Variants in OSTF1 observed in about 807,000 individuals in gnomAD.
OSTF1 encodes the protein osteoclast-stimulating factor 1.
Under a neutral mutation model 37.2 loss-of-function variants are expected in OSTF1, and 27 were observed. The observed-to-expected ratio is 0.73, with a 90% confidence interval of 0.54 to 1.00. The LOEUF (loss-of-function observed/expected upper bound fraction) is 1.00. OSTF1 is among the 50% of genes least tolerant of loss of function. OSTF1 has a pLI of 0.00. For missense variants in OSTF1, 232 were observed against 253.8 expected (o/e 0.91, Z 0.58); for synonymous variants, 82 against 89.2 (o/e 0.92, Z 0.46).
At chr9:75,117,391 A>G in intron 1 of OSTF1, 113 bp from the exon 2 acceptor site, 1 of 702,540 alleles carries the variant, frequency 1.4e-6, no homozygotes, top group Non-Finnish European at 2.5e-6. Flanking sequence ...CCTCTGTTCT[A>G]CTTGATCACA....
At chr9:75,094,578 C>G (rs1825039112) in intron 1 of OSTF1, among the ~76,000 whole-genome samples, 3 of 151,990 alleles carry the variant, frequency 2.0e-5, no homozygotes, top group African/African-American at 7.3e-5. Flanking sequence ...GTGAGATTTT[C>G]TAATACACAC....
chr9:75,095,826 C>T (rs1276508275), intron 1 of OSTF1, among the ~76,000 whole-genome samples: 1 of 151,986 alleles, frequency 6.6e-6, no homozygotes, highest in South Asian at 2.1e-4. Context: ...TAGTTTAGGG[C>T]AACGAGTTGA....
intron 1 of OSTF1, among the ~76,000 whole-genome samples, chr9:75,108,049 C>A (rs1221311073): frequency 6.6e-6 from 1 of 151,914 alleles, no homozygotes; most frequent in Non-Finnish European, 1.5e-5. Flanking sequence ...TCAGCCTGGG[C>A]AACATGACTC....
intron 9 of OSTF1, among the ~76,000 whole-genome samples, chr9:75,143,278 A>C (rs1350680321): frequency 6.6e-6 from 1 of 152,190 alleles, no homozygotes; most frequent in African/African-American, 2.4e-5. Context: ...TGCAGTTACT[A>C]TGGAAGATAA....
intron 3 of OSTF1, among the ~76,000 whole-genome samples, chr9:75,128,386 ATATATATATATATATATATATT>A (rs1825695964): frequency 3.5e-5 from 3 of 86,274 alleles, no homozygotes; most frequent in African/African-American, 1.7e-4. Flanking sequence ...ATATATATAT[ATATATATATATATATATATATT>A]TTGTCCATAT....
intron 1 of OSTF1, among the ~76,000 whole-genome samples, chr9:75,100,423 T>G (rs1363691530): frequency 6.9e-6 from 1 of 145,874 alleles, no homozygotes; most frequent in Non-Finnish European, 1.5e-5. Context: ...TGAAAAAGAG[T>G]TTTTTTTTTT....
intron 1 of OSTF1, among the ~76,000 whole-genome samples, chr9:75,097,665 A>C (rs892775257): frequency 6.6e-6 from 1 of 152,064 alleles, no homozygotes; most frequent in African/African-American, 2.4e-5. Context: ...GTTATAATCA[A>C]CTTTACATTT....
Position 75,145,177 on chromosome 9 carries a change from A to ATCTATCTATCTATCTAATCT in OSTF1, c.587-1506_587-1505insTCTATCTATCTATCTAATCT, listed in dbSNP as rs10701570. 6.8e-3 allele frequency among the ~76,000 whole-genome samples: 1,007 copies of ATCTATCTATCTATCTAATCT among 149,060 alleles called. 7 individuals carry two copies. The highest frequency in any genetic ancestry group is 0.01 in the Middle Eastern group (3 of 294). ...TATCTATCTACCTATCTATCTATCT[A>ATCTATCTATCTATCTAATCT]ATCTATCTATCGGTTTGATCTAATT... On this transcript the variant is annotated intron_variant, in intron 9 of 9. Transcript: ENST00000346234.
At chr9:75,134,228 G>A in intron 6 of OSTF1, 118 bp from the exon 7 acceptor site, 1 of 506,848 alleles carries the variant, frequency 2.0e-6, no homozygotes, top group Non-Finnish European at 3.6e-6. Flanking sequence ...TACAAAATGT[G>A]TTAACATTTT....
In OSTF1 at chr9:75,140,153, A is replaced by G. The variant is rs538779407; in HGVS notation, c.488-681A>G. Among the ~76,000 whole-genome samples the G allele has an allele frequency of 2.0e-5, 3 of 152,340 alleles. No individual in the cohort carries two copies. In the East Asian group the frequency reaches 5.8e-4, roughly 29 times the overall value. ...TGTAGTACGATTTTGTGTCTATATC[A>G]ATATGTGTATGAATGCACTGATGCA... On this transcript the variant is annotated intron_variant, in intron 8 of 9. Transcript: ENST00000346234.
At chr9:75,111,531 G>A (rs1014877903) in intron 1 of OSTF1, among the ~76,000 whole-genome samples, 11 of 152,178 alleles carry the variant, frequency 7.2e-5, no homozygotes, top group African/African-American at 2.4e-4. Context: ...GTGCTAATAC[G>A]TGCAGGTTCA....
intron 1 of OSTF1, among the ~76,000 whole-genome samples, chr9:75,090,814 T>A (rs770082677): frequency 2.0e-5 from 3 of 151,858 alleles, no homozygotes; most frequent in Non-Finnish European, 4.4e-5. Flanking sequence ...CTCAACAGAG[T>A]ACAAAAAACA....
chr9:75,136,454 G>A (rs184259951), intron 7 of OSTF1, among the ~76,000 whole-genome samples: 66 of 152,156 alleles, frequency 4.3e-4, no homozygotes, highest in African/African-American at 1.3e-3. Context: ...GCGTAGTGGC[G>A]CAATCTCAGC....
chr9:75,099,403 T>G (rs2146048), intron 1 of OSTF1, among the ~76,000 whole-genome samples: 34,627 of 151,912 alleles, frequency 0.23, 4,034 homozygotes, highest in Admixed American at 0.24. Flanking sequence ...AGGCATGTGC[T>G]GCCAAGCCCA....
chr9:75,127,386 A>G (rs1825678029), intron 2 of OSTF1, among the ~76,000 whole-genome samples, 183 bp from the exon 3 acceptor site: 1 of 152,090 alleles, frequency 6.6e-6, no homozygotes, highest in Admixed American at 6.6e-5. Flanking sequence ...TCATCATGGG[A>G]AAAAAATCTA....
chr9:75,098,423 AT>A (rs892108208), intron 1 of OSTF1, among the ~76,000 whole-genome samples: 25 of 151,798 alleles, frequency 1.6e-4, no homozygotes, highest in African/African-American at 5.8e-4. Context: ...ATAGGGCAGA[AT>A]TTTTTTTTCT....
intron 2 of OSTF1, among the ~76,000 whole-genome samples, chr9:75,124,360 T>C (rs1266177246): frequency 6.6e-6 from 1 of 152,166 alleles, no homozygotes; most frequent in Non-Finnish European, 1.5e-5. Context: ...AAATAATAGG[T>C]CTTATTATTT....
At position 75,118,661 on chromosome 9, in the gene OSTF1, G is replaced by A. The variant is rs148658052; in HGVS notation, c.81+1111G>A. 8.9e-4 allele frequency among the ~76,000 whole-genome samples: 135 copies of A among 152,192 alleles called. 1 individual carries two copies. In the East Asian group the frequency reaches 0.024, roughly 27 times the overall value. ...ATGTATAGAGAAAAAGAGGATTATC[G>A]GACTCACAGTCATGGCGGAAGGCGA... On this transcript the variant is annotated intron_variant, in intron 2 of 9. Coordinates refer to ENST00000346234, the MANE Select transcript of OSTF1 (RefSeq NM_012383.5).
chr9:75,138,023 G>T (rs890753685), intron 8 of OSTF1, among the ~76,000 whole-genome samples: 1 of 152,162 alleles, frequency 6.6e-6, no homozygotes, highest in African/African-American at 2.4e-5. Context: ...AGAATGATGC[G>T]GCTGCAATGT....
Sources: gnomAD v4.1 joint callset for allele counts (sites outside exome capture counted in the v4.1 genomes callset) on GRCh38, gnomAD v4.1.1 for gene constraint, MANE v1.5 for transcripts, NCBI Gene and HGNC (gene_info 2026-07-23, HGNC 2026-07-21) for gene names.